The following MICAL3 variants were observed in gnomAD, a reference collection of about 807,000 sequenced individuals.
MICAL3 encodes the protein microtubule associated monooxygenase, calponin and LIM domain containing 3, also known as [F-actin]-monooxygenase MICAL3.
In MICAL3, 62 loss-of-function variants were observed where a neutral mutation model predicts 207.4. That is an observed-to-expected ratio of 0.30 (90% CI 0.24 to 0.37). The LOEUF is 0.37. Ranked by LOEUF, MICAL3 falls within the 10% of genes least tolerant of loss-of-function variation. The probability of loss-of-function intolerance (pLI) is 1.00; values close to 1 mark genes in which losing one functional copy is unlikely to be tolerated. For missense variants in MICAL3, 2,368 were observed against 2,635.6 expected, an observed-to-expected ratio of 0.90 and a Z score of 2.22; for synonymous variants, 1,077 against 1,069.3, an observed-to-expected ratio of 1.01 and a Z score of -0.14.
At chr22:17,827,059 C>T (rs1006476814) in intron 22 of MICAL3, among the ~76,000 whole-genome samples, 10 of 152,186 alleles carry the variant, frequency 6.6e-5, no homozygotes, top group African/African-American at 2.4e-4. Flanking sequence ...GCGGCCACCA[C>T]GTCCCTCAGC....
At chr22:17,864,498 G>A in intron 19 of MICAL3, 1 of 1,430,348 alleles carries the variant, frequency 7.0e-7, no homozygotes, top group Non-Finnish European at 9.1e-7. Context: ...AGGCCGAGTG[G>A]CCTTGGCCTC....
Position 17,842,020 on chromosome 22 carries a change from G to T in MICAL3, c.2606-3C>A. On this transcript the variant is annotated splice_region_variant and splice_polypyrimidine_tract_variant and intron_variant, in intron 19 of 31. Coordinates refer to ENST00000441493, the MANE Select transcript of MICAL3 (RefSeq NM_015241.3). The stretch of plus-strand genomic sequence containing the variant: ...CTCCAGGCCGTTCACGCCTGAACCT[G>T]CGGGACAAGCACAGAAGCACTGCAC... 1.3e-6 allele frequency: 2 copies of T among 1,598,662 alleles called. No individual in the cohort carries two copies. The highest frequency in any genetic ancestry group is 1.7e-6 in the Non-Finnish European group (2 of 1,178,296).
chr22:17,826,111 C>T (rs1321973180), intron 22 of MICAL3, among the ~76,000 whole-genome samples: 1 of 152,232 alleles, frequency 6.6e-6, no homozygotes, highest in Non-Finnish European at 1.5e-5. Context: ...CCTCCCCTTT[C>T]ACACTCAATC....
Position 17,893,883 on chromosome 22 carries a change from C to A in MICAL3, c.1471G>T (p.Gly491Cys). 6.4e-7 allele frequency: 1 copy of A among 1,561,976 alleles called. No individual in the cohort carries two copies. Among genetic ancestry groups the A allele is most frequent in the Non-Finnish European group, 8.7e-7 (1 of 1,151,878 alleles). ...TCCAGGTGAATATCTTTTGTTTCGC[C>A]AGTATCATATAAATGGCGCACCTGG... ...PSQVRHLYDT[G>C]ETKDIHLEME... Residue 491 changes from glycine (G) to cysteine (C), a missense_variant, in exon 11 of 32, where the codon GGC (glycine) becomes TGC (cysteine). Gly to Cys is a radical substitution (Grantham distance 159). Transcript: ENST00000441493.
At chr22:17,810,947 G>A in intron 27 of MICAL3, 134 bp from the exon 28 acceptor site, 1 of 674,794 alleles carries the variant, frequency 1.5e-6, no homozygotes, top group Admixed American at 2.2e-5. Context: ...AGGACAAGCT[G>A]TCCTCTGTAG....
At chr22:18,000,378 T>C (rs1922808070) in intron 1 of MICAL3, among the ~76,000 whole-genome samples, 1 of 152,258 alleles carries the variant, frequency 6.6e-6, no homozygotes, top group Non-Finnish European at 1.5e-5. Context: ...GTTTGAACTC[T>C]TGGACATACT....
rs184895829 is a variant in MICAL3 at position 17,896,889 on chromosome 22, G to A, written c.1041C>T (p.Thr347=). Reference sequence around the variant, plus strand: ...AATCCAGAGACGGCAGCTGCTGCTGGGTAGAGAAGTCTGCCGCCTCCCTGG... The same window carrying A: ...AATCCAGAGACGGCAGCTGCTGCTGAGTAGAGAAGTCTGCCGCCTCCCTGG... ...SYAREAADFS[T]QQQLPSLDFA... Residue 347 remains threonine (T), a synonymous_variant, in exon 8 of 32, where the codon ACC becomes ACT. Transcript: ENST00000441493. 137 of 1,614,060 alleles carry A rather than the reference G, an allele frequency of 8.5e-5. No homozygotes were observed. The African/African-American group carries it at 1.7e-3, about 20-fold the overall frequency.
At chr22:17,860,572 T>A in intron 19 of MICAL3, 3 of 985,470 alleles carry the variant, frequency 3.0e-6, no homozygotes, top group Non-Finnish European at 3.6e-6. Context: ...AATGTTCCAG[T>A]GTCTTGCAGA....
At chr22:17,866,753 G>A (rs1371320445) in intron 17 of MICAL3, among the ~76,000 whole-genome samples, 1 of 152,330 alleles carries the variant, frequency 6.6e-6, no homozygotes, top group African/African-American at 2.4e-5. Context: ...AGCTGTGTCT[G>A]GGTCTCAATG....
At chr22:17,899,225 G>A (rs796972597) in intron 7 of MICAL3, 10 of 608,784 alleles carry the variant, frequency 1.6e-5, no homozygotes, top group African/African-American at 5.4e-5. Context: ...CGGTAGGTAC[G>A]TGAGGGTTCA....
rs1467794392 is a variant in MICAL3 at position 17,818,271 on chromosome 22, G to A, written c.4390C>T (p.Pro1464Ser). Residue 1464 changes from proline to serine, a missense_variant, in exon 26 of 32, where the codon CCC becomes TCC. Around this residue, in one of 4 missense-constraint regions of MICAL3, gnomAD observed 1,770 missense variants for 1,863.2 expected, o/e 0.95. Transcript: ENST00000441493. ...TPPSSPPPPP[P>S]PGEEPATLRR... ...AAGGTGGCGGGCTCCTCGCCCGGGG[G>A]TGGCGGTGGGGGCGGGCTGGAGGGG... 1 of 1,514,626 alleles carries A rather than the reference G, an allele frequency of 6.6e-7. No homozygotes were observed. The highest frequency in any genetic ancestry group is 1.2e-5 in the South Asian group (1 of 81,338). 93.8% of individuals were successfully genotyped at this position (1,514,626 alleles called of 1,614,324 possible).
intron 11 of MICAL3, among the ~76,000 whole-genome samples, chr22:17,893,257 C>T (rs1930525179): frequency 6.6e-6 from 1 of 152,164 alleles, no homozygotes; most frequent in South Asian, 2.1e-4. Context: ...CCTGGTCTCC[C>T]TGCCTCTGGT....
rs753693112 is a variant in MICAL3, at chr22:17,901,014, T to A, written c.692-17A>T. ...GACGAAACCCTGGAGGGAAATAAAT[T>A]TTCAGAGGTGATAATCATTGGCTAG... On this transcript the variant is annotated splice_polypyrimidine_tract_variant and intron_variant, in intron 5 of 31. Coordinates refer to ENST00000441493, the MANE Select transcript of MICAL3 (RefSeq NM_015241.3). The A allele has an allele frequency of 6.2e-7, 1 of 1,613,532 alleles. No homozygotes were observed. Among genetic ancestry groups the A allele is most frequent in the South Asian group, 1.1e-5 (1 of 91,068 alleles).
At chr22:17,884,431 G>A (rs912928474) in intron 16 of MICAL3, 34 of 1,153,540 alleles carry the variant, frequency 2.9e-5, no homozygotes, top group Non-Finnish European at 4.0e-5. Context: ...CATTAAGGTG[G>A]GAGAAGAACA....
chr22:17,929,568 C>CTTTTTTTTTTTTT lies in MICAL3; in HGVS notation c.-74-22695_-74-22683dup, dbSNP rs67222681. On this transcript the variant is annotated intron_variant, in intron 1 of 31. Transcript: ENST00000441493. ...ATTTTTCTTTCTTTCCTTTTCTTTT[C>CTTTTTTTTTTTTT]TTTTTTTTTTTTTTTTTTTGACAGG... Among the ~76,000 whole-genome samples, 135 of 108,890 alleles carry CTTTTTTTTTTTTT rather than the reference C, an allele frequency of 1.2e-3. 1 individual carries two copies. Among genetic ancestry groups the CTTTTTTTTTTTTT allele is most frequent in the Non-Finnish European group, 1.7e-3 (94 of 56,914 alleles). 71.4% of individuals were successfully genotyped at this position (108,890 alleles called of 152,430 possible).
chr22:17,805,568 A>G (rs1165890132), intron 29 of MICAL3, among the ~76,000 whole-genome samples: 1 of 152,158 alleles, frequency 6.6e-6, no homozygotes, highest in Non-Finnish European at 1.5e-5. Flanking sequence ...TCTGCTGAAG[A>G]CTCATCTAAA....
Position 17,790,877 on chromosome 22 carries a change from T to C in MICAL3, c.5864A>G (p.Gln1955Arg). 1 of 1,613,890 alleles carries C rather than the reference T, an allele frequency of 6.2e-7. No individual in the cohort carries two copies. Residue 1955 changes from glutamine (Q) to arginine (R), a missense_variant, in exon 32 of 32, where the codon CAG (glutamine) becomes CGG (arginine). Transcript: ENST00000441493. The stretch of plus-strand genomic sequence containing the variant: ...CACCTCCAGCATCTCATTGAGAATC[T>C]GCTTCTCTTCTGACAGCTCCTCCTC... ...KTEEELSEEKQILNEMLEVVE... is the reference protein window; with the variant it reads ...KTEEELSEEKRILNEMLEVVE...
At chr22:17,889,455 A>G (rs1040226490) in intron 12 of MICAL3, among the ~76,000 whole-genome samples, 2 of 152,156 alleles carry the variant, frequency 1.3e-5, no homozygotes, top group South Asian at 4.1e-4. Flanking sequence ...TCTACCCACC[A>G]AAGAAAAAAA....
intron 22 of MICAL3, among the ~76,000 whole-genome samples, chr22:17,826,956 G>T (rs1482081300): frequency 6.6e-6 from 1 of 152,222 alleles, no homozygotes; most frequent in East Asian, 1.9e-4. Flanking sequence ...CCCGTGACCG[G>T]CGCTGAATGA....
Sources: gnomAD v4.1 joint callset for allele counts (sites outside exome capture counted in the v4.1 genomes callset) on GRCh38, gnomAD v4.1.1 for gene constraint, gnomAD v4.1.1 regional missense constraint, MANE v1.5 for transcripts, NCBI Gene and HGNC (gene_info 2026-07-23, HGNC 2026-07-21) for gene names.